Variants in USP22 observed in about 807,000 individuals in gnomAD.
USP22 encodes the protein ubiquitin carboxyl-terminal hydrolase 22.
USP22 carries 22 observed loss-of-function variants against 68.1 expected under a neutral mutation model. That is an observed-to-expected ratio of 0.32 (90% CI 0.23 to 0.46). The LOEUF is 0.46. Among genes scored for constraint, USP22 ranks in the 20% least tolerant of loss-of-function variants. USP22 has a pLI of 1.00. For synonymous variants in USP22, 279 were observed against 274.2 expected, an observed-to-expected ratio of 1.02 and a Z score of -0.17; for missense variants, 433 against 695.8, an observed-to-expected ratio of 0.62 and a Z score of 4.25.
At chr17:21,022,997 T>A (rs376677905) in intron 2 of USP22, among the ~76,000 whole-genome samples, 3 of 152,166 alleles carry the variant, frequency 2.0e-5, no homozygotes, top group East Asian at 3.8e-4. Flanking sequence ...CATGTATACA[T>A]AAAATGAAAT....
chr17:21,011,314 A>G lies in USP22; in HGVS notation c.945-5T>C. The G allele has an allele frequency of 6.4e-7, 1 of 1,553,500 alleles. No homozygotes were observed. The highest frequency in any genetic ancestry group is 8.7e-7 in the Non-Finnish European group (1 of 1,147,966). On this transcript the variant is annotated splice_region_variant and splice_polypyrimidine_tract_variant and intron_variant, in intron 7 of 12. Coordinates refer to ENST00000261497, the MANE Select transcript of USP22 (RefSeq NM_015276.2). ...TCGATGGTGGTGGAGACTCCACTGG[A>G]AGCAGAGGGAAAACAATGGCTGTGA... is the stretch of plus-strand genomic sequence containing the variant.
Position 21,042,627 on chromosome 17 carries a change from G to A in USP22, c.171+38C>T, listed in dbSNP as rs758805820. 6.4e-6 allele frequency: 8 copies of A among 1,256,824 alleles called. No homozygotes were observed. In the African/African-American group the frequency reaches 1.1e-4, roughly 17 times the overall value. The allele number at this position is 1,256,824 out of a possible 1,614,324, so 77.9% of individuals were successfully genotyped here. ...CCGGCCGGCCTCAGGAGCGGCAGAA[G>A]GCCCCGAGCCCGCCGCGCGGTGGGC... On this transcript the variant is annotated intron_variant, in intron 1 of 12. Transcript: ENST00000261497.
rs543934135 is a variant in USP22 at position 21,004,197 on chromosome 17, C to T, written c.1535+5G>A. On this transcript the variant is annotated splice_donor_5th_base_variant and intron_variant, in intron 12 of 12. Coordinates refer to ENST00000261497, the MANE Select transcript of USP22 (RefSeq NM_015276.2). ...AGGGCCTTCCTCCCACCCCACAGGA[C>T]GCACCCTTCGCTGTCCAGGACGTCC... 8.1e-6 allele frequency: 13 copies of T among 1,613,758 alleles called. No homozygotes were observed. The highest frequency in any genetic ancestry group is 1.1e-5 in the Non-Finnish European group (13 of 1,179,764).
In USP22 at chr17:21,042,786, G is replaced by GCCAGCTCGGCGT; in HGVS notation, c.38_49dup (p.Asp13_Leu16dup). 2 of 1,485,878 alleles carry GCCAGCTCGGCGT rather than the reference G, an allele frequency of 1.3e-6. No individual in the cohort carries two copies. The highest frequency in any genetic ancestry group is 1.8e-6 in the Non-Finnish European group (2 of 1,119,402). The allele number at this position is 1,485,878 out of a possible 1,614,324, so 92.0% of individuals were successfully genotyped here. On this transcript the variant is annotated inframe_insertion, in exon 1 of 13. Coordinates refer to ENST00000261497, the MANE Select transcript of USP22 (RefSeq NM_015276.2). The stretch of plus-strand genomic sequence containing the variant: ...GTGCGAGCAGCCCGGCGGCGCTACC[G>GCCAGCTCGGCGT]CCAGCTCGGCGTCCATGGCCTCGCC...
At chr17:21,017,028 G>A (rs137866558) in intron 5 of USP22, among the ~76,000 whole-genome samples, 57 of 152,310 alleles carry the variant, frequency 3.7e-4, no homozygotes, top group African/African-American at 1.4e-3. Context: ...TATTTGGGCC[G>A]TGTCCCCAGC....
At chr17:21,034,883 T>C (rs1192349997) in intron 1 of USP22, among the ~76,000 whole-genome samples, 3 of 152,232 alleles carry the variant, frequency 2.0e-5, no homozygotes, top group Non-Finnish European at 4.4e-5. Context: ...TAAGAACAAA[T>C]CTATCCATGA....
intron 1 of USP22, among the ~76,000 whole-genome samples, chr17:21,038,835 G>A (rs191250628): frequency 9.0e-4 from 137 of 152,232 alleles, no homozygotes; most frequent in African/African-American, 3.2e-3. Flanking sequence ...ATCACTTCCT[G>A]CCAGTTCCTA....
chr17:21,004,760 G>A (rs1048382392), intron 11 of USP22, among the ~76,000 whole-genome samples, 168 bp downstream of exon 11: 7 of 151,148 alleles, frequency 4.6e-5, no homozygotes, highest in South Asian at 2.1e-4. Context: ...CACGTGGAGC[G>A]GCCTTTCCTA....
At chr17:21,040,045 C>G (rs896627964) in intron 1 of USP22, among the ~76,000 whole-genome samples, 2 of 152,106 alleles carry the variant, frequency 1.3e-5, no homozygotes, top group African/African-American at 4.8e-5. Context: ...CAAATATTAG[C>G]CGGTCGTGGT....
intron 1 of USP22, among the ~76,000 whole-genome samples, chr17:21,039,294 C>T (rs541203292): frequency 3.3e-5 from 5 of 150,054 alleles, no homozygotes; most frequent in Admixed American, 2.7e-4. Flanking sequence ...TATGGCAATT[C>T]GGGCCAGGCG....
chr17:21,041,536 T>C (rs1972431116), intron 1 of USP22, among the ~76,000 whole-genome samples: 1 of 152,124 alleles, frequency 6.6e-6, no homozygotes, highest in Non-Finnish European at 1.5e-5. Context: ...AGGCGGAGAT[T>C]GTAGTGAGCC....
intron 2 of USP22, among the ~76,000 whole-genome samples, chr17:21,023,982 C>G (rs1163852533): frequency 1.1e-4 from 16 of 152,204 alleles, no homozygotes; most frequent in Admixed American, 9.2e-4. Flanking sequence ...GCTACTACGA[C>G]TTATATTGTG....
At chr17:21,019,984 T>C (rs1292804009) in intron 3 of USP22, among the ~76,000 whole-genome samples, 1 of 152,196 alleles carries the variant, frequency 6.6e-6, no homozygotes, top group African/African-American at 2.4e-5. Context: ...CAGAGAAGAC[T>C]TGTTAAACAC....
chr17:21,006,532 G>GTCTC (rs1026065080), intron 10 of USP22: 1 of 135,982 alleles, frequency 7.4e-6, no homozygotes, highest in African/African-American at 2.8e-5. Context: ...TTTAGACGTA[G>GTCTC]TCTCGTTCTG....
intron 4 of USP22, 93 bp from the exon 5 acceptor site, chr17:21,018,204 A>C: frequency 8.6e-5 from 105 of 1,215,556 alleles, no homozygotes; most frequent in Non-Finnish European, 1.0e-4. Flanking sequence ...CTACATACTC[A>C]TTTTCTTTTA....
At chr17:21,023,670 GGA>G (rs1450803808) in intron 2 of USP22, among the ~76,000 whole-genome samples, 20 of 149,778 alleles carry the variant, frequency 1.3e-4, no homozygotes, top group Non-Finnish European at 2.5e-4. Flanking sequence ...AAAAAAATTG[GGA>G]GAGTGGGGCT....
intron 10 of USP22, 141 bp downstream of exon 10, chr17:21,006,755 G>T: frequency 1.8e-6 from 1 of 543,534 alleles, no homozygotes; most frequent in Non-Finnish European, 3.2e-6. Flanking sequence ...TGCCCGCTTC[G>T]ACCTCCTGAA....
rs1398661954 is a variant in USP22 at position 21,003,043 on chromosome 17, C to T, written c.1566G>A (p.Leu522=). Residue 522 remains leucine (L), a synonymous_variant, in exon 13 of 13, where the codon CTG becomes CTA. Coordinates refer to ENST00000261497, the MANE Select transcript of USP22 (RefSeq NM_015276.2). ...GCTGCAGATAAGGCTACTCGTATTC[C>T]AGGAACTGTTTGTGATAGAACAGCA... The part of the protein sequence containing the change: ...GYLLFYHKQF[L]EYE 33 of 1,613,774 alleles carry T rather than the reference C, an allele frequency of 2.0e-5. No homozygotes were observed. Among genetic ancestry groups the T allele is most frequent in the East Asian group, 4.5e-5 (2 of 44,882 alleles).
At chr17:21,020,945 C>A (rs987969889) in intron 3 of USP22, among the ~76,000 whole-genome samples, 168 bp downstream of exon 3, 6 of 152,304 alleles carry the variant, frequency 3.9e-5, no homozygotes, top group Middle Eastern at 6.8e-3. Context: ...CCCTGTCATG[C>A]AGAGCTTCAG....
Sources: gnomAD v4.1 joint callset for allele counts (sites outside exome capture counted in the v4.1 genomes callset) on GRCh38, gnomAD v4.1.1 for gene constraint, MANE v1.5 for transcripts, NCBI Gene and HGNC (gene_info 2026-07-23, HGNC 2026-07-21) for gene names.